Variants in ABCC4 observed in about 807,000 individuals in gnomAD.
The protein encoded by ABCC4 is ATP-binding cassette sub-family C member 4.
Under a neutral mutation model 168.5 loss-of-function variants are expected in ABCC4, and 102 were observed. The observed-to-expected ratio is 0.61, with a 90% CI of 0.52 to 0.71. ABCC4 has a LOEUF of 0.71. ABCC4 is among the 30% of genes least tolerant of loss of function. ABCC4 has a pLI of 0.00. For synonymous variants in ABCC4, 617 were observed against 590.7 expected, an observed-to-expected ratio of 1.04 and a Z score of -0.65; for missense variants, 1,402 against 1,605.8, an observed-to-expected ratio of 0.87 and a Z score of 2.17.
chr13:95,251,727 G>A (rs771991629), intron 1 of ABCC4, among the ~76,000 whole-genome samples: 8 of 152,172 alleles, frequency 5.3e-5, no homozygotes, highest in Non-Finnish European at 1.0e-4. Context: ...TGAGAGTTTA[G>A]AGAACAAGGA....
At chr13:95,160,383 G>A (rs1237967577) in intron 19 of ABCC4, among the ~76,000 whole-genome samples, 1 of 152,148 alleles carries the variant, frequency 6.6e-6, no homozygotes. Context: ...GCAGGGTGGG[G>A]ACTTATAGGC....
chr13:95,123,227 T>A (rs1178141921), intron 19 of ABCC4, among the ~76,000 whole-genome samples: 1 of 152,216 alleles, frequency 6.6e-6, no homozygotes, highest in Non-Finnish European at 1.5e-5. Context: ...TCTCCTACTT[T>A]GGACTCATTC....
At chr13:95,239,120 T>C (rs2039857611) in intron 3 of ABCC4, among the ~76,000 whole-genome samples, 1 of 151,274 alleles carries the variant, frequency 6.6e-6, no homozygotes, top group African/African-American at 2.4e-5. Context: ...TTTGAAAAGA[T>C]AGTCCCTGCA....
At chr13:95,040,326 G>T (rs2032301495) in intron 29 of ABCC4, among the ~76,000 whole-genome samples, 1 of 152,146 alleles carries the variant, frequency 6.6e-6, no homozygotes, top group South Asian at 2.1e-4. Context: ...CCGCCTCCCA[G>T]GTTCAAAAGC....
Position 95,097,592 on chromosome 13 carries a change from C to CTTTTTTT in ABCC4, c.2536-14309_2536-14303dup, listed in dbSNP as rs56169430. 6.1e-5 allele frequency among the ~76,000 whole-genome samples: 5 copies of CTTTTTTT among 82,106 alleles called. 1 individual carries two copies. The highest frequency in any genetic ancestry group is 4.2e-4 in the East Asian group (1 of 2,356). The allele number at this position is 82,106 out of a possible 152,430, so 53.9% of individuals were successfully genotyped here. A position where few individuals can be genotyped will look rare whatever the true frequency, so the allele number is the denominator to read the frequency against. ...ACTCCACAGCTACAGAATATACATT[C>CTTTTTTT]TTTTTTTTTTTTTTTTTTTTTTTTC... On this transcript the variant is annotated intron_variant, in intron 20 of 30. Coordinates refer to ENST00000645237, the MANE Select transcript of ABCC4 (RefSeq NM_005845.5).
intron 4 of ABCC4, among the ~76,000 whole-genome samples, chr13:95,229,841 T>C (rs2039570246): frequency 1.3e-5 from 2 of 152,156 alleles, no homozygotes; most frequent in South Asian, 4.1e-4. Flanking sequence ...TCTTCAGCTA[T>C]CCTTAATCCA....
chr13:95,180,488 G>C (rs1309476274), intron 11 of ABCC4, among the ~76,000 whole-genome samples: 12 of 152,024 alleles, frequency 7.9e-5, no homozygotes, highest in Admixed American at 7.9e-4. Flanking sequence ...GGGAGGCAAA[G>C]GTTGCAGTGA....
intron 19 of ABCC4, among the ~76,000 whole-genome samples, chr13:95,128,935 A>G (rs1176408875): frequency 6.6e-6 from 1 of 152,208 alleles, no homozygotes; most frequent in Non-Finnish European, 1.5e-5. Context: ...ATTTCTTCCT[A>G]TGGTGAAAGA....
chr13:95,102,422 A>G (rs148266676), intron 20 of ABCC4, among the ~76,000 whole-genome samples: 108 of 152,152 alleles, frequency 7.1e-4, no homozygotes, highest in African/African-American at 2.5e-3. Flanking sequence ...CTAGGACTAC[A>G]ACCATAAGAC....
intron 9 of ABCC4, among the ~76,000 whole-genome samples, chr13:95,189,337 G>A (rs1438437390): frequency 1.3e-5 from 2 of 151,272 alleles, no homozygotes; most frequent in African/African-American, 4.9e-5. Flanking sequence ...GTTTCACCGT[G>A]GTCTCGATCT....
chr13:95,232,119 C>A (rs9524851), intron 4 of ABCC4, among the ~76,000 whole-genome samples: 107,675 of 150,610 alleles, frequency 0.71, 38,853 homozygotes, highest in Non-Finnish European at 0.79. Flanking sequence ...GCTGCTGCTG[C>A]TGATGATGAT....
intron 3 of ABCC4, among the ~76,000 whole-genome samples, chr13:95,243,717 T>C (rs370645011): frequency 1.3e-5 from 2 of 151,850 alleles, no homozygotes; most frequent in South Asian, 4.1e-4. Flanking sequence ...TAAAACCTCA[T>C]CTCTACTAAA....
chr13:95,056,747 G>A (rs2033074037), intron 26 of ABCC4, among the ~76,000 whole-genome samples: 1 of 152,106 alleles, frequency 6.6e-6, no homozygotes, highest in Admixed American at 6.5e-5. Flanking sequence ...GAAAATTCAG[G>A]GAGTAGAAAT....
chr13:95,235,929 T>G (rs1328893197), intron 3 of ABCC4, among the ~76,000 whole-genome samples: 1 of 152,182 alleles, frequency 6.6e-6, no homozygotes, highest in African/African-American at 2.4e-5. Context: ...GTCCTGGTTT[T>G]GAAGCAATAT....
At chr13:95,164,988 C>T (rs2037225576) in intron 15 of ABCC4, among the ~76,000 whole-genome samples, 1 of 152,184 alleles carries the variant, frequency 6.6e-6, no homozygotes, top group Non-Finnish European at 1.5e-5. Context: ...TGAGCCACCA[C>T]ACCCAGCTAT....
intron 14 of ABCC4, among the ~76,000 whole-genome samples, chr13:95,167,854 G>A (rs2037334931): frequency 6.6e-6 from 1 of 152,136 alleles, no homozygotes; most frequent in African/African-American, 2.4e-5. Flanking sequence ...CATCCTGGGT[G>A]CCCACCAGTG....
At position 95,020,960 on chromosome 13, in the gene ABCC4, T is replaced by C. The variant is rs1214636334; in HGVS notation, c.*615A>G. 3 of 151,476 alleles carry C rather than the reference T, an allele frequency of 2.0e-5. No homozygotes were observed. Among genetic ancestry groups the C allele is most frequent in the Admixed American group, 6.6e-5 (1 of 15,090 alleles). 9.4% of individuals were successfully genotyped at this position (151,476 alleles called of 1,614,324 possible). A position where few individuals can be genotyped will look rare whatever the true frequency, so the allele number is the denominator to read the frequency against. On this transcript the variant is annotated 3_prime_UTR_variant, in exon 31 of 31. Coordinates refer to ENST00000645237, the MANE Select transcript of ABCC4 (RefSeq NM_005845.5). ...CTTCCTTCTCTTTTAGAACATATGATAAAATATTGCCCTTCTATCCTTTAA... is the reference window on the plus strand; with the variant it reads ...CTTCCTTCTCTTTTAGAACATATGACAAAATATTGCCCTTCTATCCTTTAA...
intron 20 of ABCC4, among the ~76,000 whole-genome samples, chr13:95,089,873 C>CA (rs1179180409): frequency 1.4e-5 from 2 of 145,040 alleles, no homozygotes; most frequent in Middle Eastern, 3.3e-3. Flanking sequence ...GAGACTCTGT[C>CA]AAAAAAAGAA....
chr13:95,069,684 T>C (rs1287838357), intron 25 of ABCC4, among the ~76,000 whole-genome samples: 1 of 152,150 alleles, frequency 6.6e-6, no homozygotes, highest in Admixed American at 6.6e-5. Flanking sequence ...GGTACCCACA[T>C]GTAAGTGGAA....
Sources: gnomAD v4.1 joint callset for allele counts (sites outside exome capture counted in the v4.1 genomes callset) on GRCh38, gnomAD v4.1.1 for gene constraint, MANE v1.5 for transcripts, NCBI Gene and HGNC (gene_info 2026-07-23, HGNC 2026-07-21) for gene names.